ZNF236: variants seen among roughly 807,000 people sequenced by gnomAD.
ZNF236 encodes zinc finger protein 236.
ZNF236 carries 50 observed loss-of-function variants against 191.2 expected under a neutral mutation model. The observed-to-expected ratio is 0.26, with a 90% CI of 0.21 to 0.33. ZNF236 has a LOEUF of 0.33. ZNF236 is among the 10% of genes least tolerant of loss of function. The probability of loss-of-function intolerance (pLI) is 1.00; values close to 1 mark genes in which losing one functional copy is unlikely to be tolerated. For synonymous variants in ZNF236, 907 were observed against 928.8 expected, an observed-to-expected ratio of 0.98 and a Z score of 0.43; for missense variants, 1,754 against 2,374.5, an observed-to-expected ratio of 0.74 and a Z score of 5.43.
In ZNF236 at chr18:76,875,415, T is replaced by G; in HGVS notation, c.668-77T>G. ...GCTGGAGGGATAGGTTTGGGTAACT[T>G]CAGTGTTGTTCTTTTCAATCCGTAA... On this transcript the variant is annotated intron_variant, in intron 5 of 30. Coordinates refer to ENST00000320610, the MANE Select transcript of ZNF236 (RefSeq NM_001306089.2). The surrounding 1 kb of genome is among the most constrained non-coding windows in gnomAD (Gnocchi z 4.3). 1 of 1,367,568 alleles carries G rather than the reference T, an allele frequency of 7.3e-7. No homozygotes were observed. Among genetic ancestry groups the G allele is most frequent in the Non-Finnish European group, 9.6e-7 (1 of 1,039,444 alleles). 84.7% of individuals were successfully genotyped at this position (1,367,568 alleles called of 1,614,324 possible).
At position 76,927,453 on chromosome 18, in the gene ZNF236, C is replaced by T; in HGVS notation, c.4350C>T (p.Thr1450=). 3.1e-6 allele frequency: 5 copies of T among 1,614,216 alleles called. No homozygotes were observed. The highest frequency in any genetic ancestry group is 4.2e-6 in the Non-Finnish European group (5 of 1,180,042). The part of the protein sequence containing the change: ...ISGLSLQPTV[T]SANLTIGPLS... The stretch of plus-strand genomic sequence containing the variant: ...GCCTGTCCTTACAGCCCACAGTGAC[C>T]TCTGCGAACCTGACCATAGGCCCGC... The change falls in exon 24 of 31, where the codon ACC becomes ACT. Residue 1450 remains threonine (T), a synonymous_variant. Transcript: ENST00000320610. The surrounding 1 kb of genome is among the most constrained non-coding windows in gnomAD (Gnocchi z 5.4).
At chr18:76,892,847 G>A (rs1452495829) in intron 9 of ZNF236, among the ~76,000 whole-genome samples, 1 of 152,206 alleles carries the variant, frequency 6.6e-6, no homozygotes, top group Admixed American at 6.5e-5. Flanking sequence ...GATTACAGGC[G>A]TGAGCCACCG....
intron 25 of ZNF236, among the ~76,000 whole-genome samples, chr18:76,932,116 T>A (rs573571848): frequency 1.3e-5 from 2 of 152,322 alleles, no homozygotes; most frequent in East Asian, 3.9e-4. Flanking sequence ...AGACATTTTT[T>A]GAAGAATCCA....
intron 1 of ZNF236, among the ~76,000 whole-genome samples, chr18:76,828,631 A>G (rs1342272319): frequency 1.3e-5 from 2 of 152,172 alleles, no homozygotes; most frequent in Non-Finnish European, 2.9e-5. Context: ...TCCACTCTCC[A>G]TAATTGAACT....
At chr18:76,886,600 G>GC in intron 9 of ZNF236, 2 of 163,384 alleles carry the variant, frequency 1.2e-5, no homozygotes, top group South Asian at 1.6e-4. Flanking sequence ...CAGTGCTGTG[G>GC]TGTCGAAATA....
intron 4 of ZNF236, among the ~76,000 whole-genome samples, chr18:76,871,106 G>A (rs538775427): frequency 4.6e-5 from 7 of 152,170 alleles, no homozygotes; most frequent in Non-Finnish European, 7.3e-5. Flanking sequence ...TTTTGGAGAT[G>A]GACTAGAAAA....
chr18:76,963,362 G>A (rs560179474), intron 30 of ZNF236, among the ~76,000 whole-genome samples: 23 of 152,152 alleles, frequency 1.5e-4, no homozygotes, highest in African/African-American at 5.3e-4. Flanking sequence ...TTCTGTTTAT[G>A]TGGTGTATCA....
chr18:76,865,445 A>G (rs746781160), intron 3 of ZNF236, among the ~76,000 whole-genome samples: 2 of 152,264 alleles, frequency 1.3e-5, no homozygotes, highest in Admixed American at 6.5e-5. Flanking sequence ...AGTTCCTGGC[A>G]GGTAGAGAGT....
chr18:76,917,821 A>G (rs73488927), intron 19 of ZNF236, among the ~76,000 whole-genome samples: 156 of 152,122 alleles, frequency 1.0e-3, no homozygotes, highest in African/African-American at 3.5e-3. Flanking sequence ...AATCATTCCA[A>G]GCTTTATTGG....
At chr18:76,847,660 A>T (rs181473564) in intron 1 of ZNF236, among the ~76,000 whole-genome samples, 1 of 151,776 alleles carries the variant, frequency 6.6e-6, no homozygotes, top group Non-Finnish European at 1.5e-5. Flanking sequence ...TAGTAGAGAC[A>T]GGGTTTCACC....
chr18:76,826,298 ATTTTT>A (rs1975018086), intron 1 of ZNF236, among the ~76,000 whole-genome samples: 1 of 76,944 alleles, frequency 1.3e-5, no homozygotes, highest in Non-Finnish European at 2.8e-5. Flanking sequence ...TTTTTTTTGT[ATTTTT>A]AGTAGAGACG....
At chr18:76,955,114 T>C (rs752323780) in intron 27 of ZNF236, among the ~76,000 whole-genome samples, 1 of 152,160 alleles carries the variant, frequency 6.6e-6, no homozygotes, top group Non-Finnish European at 1.5e-5. Flanking sequence ...CTGTTGTTTA[T>C]AAAAGCTGAG....
intron 30 of ZNF236, among the ~76,000 whole-genome samples, chr18:76,965,611 G>A (rs1968751844): frequency 6.6e-6 from 1 of 152,176 alleles, no homozygotes. Flanking sequence ...CTTTTCCTAT[G>A]GCTGTGGCTC....
chr18:76,959,450 A>G (rs147134692), intron 28 of ZNF236, among the ~76,000 whole-genome samples: 162 of 152,318 alleles, frequency 1.1e-3, no homozygotes, highest in African/African-American at 3.5e-3. Context: ...TGGCCAAGCC[A>G]TATAGCTAGC....
chr18:76,841,889 G>A (rs996462535), intron 1 of ZNF236, among the ~76,000 whole-genome samples: 5 of 149,994 alleles, frequency 3.3e-5, no homozygotes, highest in African/African-American at 1.3e-4. Flanking sequence ...AGTGGAGACA[G>A]GGGTTTGCCA....
intron 20 of ZNF236, among the ~76,000 whole-genome samples, chr18:76,922,427 T>G (rs1967562899): frequency 6.6e-6 from 1 of 152,226 alleles, no homozygotes; most frequent in African/African-American, 2.4e-5. Flanking sequence ...TGAACAGCTT[T>G]GCATATGGTT....
At chr18:76,836,118 G>A (rs1975317710) in intron 1 of ZNF236, among the ~76,000 whole-genome samples, 1 of 152,116 alleles carries the variant, frequency 6.6e-6, no homozygotes, top group African/African-American at 2.4e-5. Flanking sequence ...ATGTTGGCCA[G>A]GCTGGTCTCG....
rs141242838 is a variant in ZNF236, at chr18:76,926,321, G to A, written c.4028-716G>A. ...GTGATGAGACAGTGTATGTGTATAT[G>A]GTATAAATGAGATTTCGCGGGTGAT... On this transcript the variant is annotated intron_variant, in intron 22 of 30. Transcript: ENST00000320610. Among the ~76,000 whole-genome samples, 734 of 152,140 alleles carry A rather than the reference G, an allele frequency of 4.8e-3. 3 individuals carry two copies. Among genetic ancestry groups the A allele is most frequent in the Non-Finnish European group, 7.9e-3 (536 of 67,998 alleles).
intron 1 of ZNF236, among the ~76,000 whole-genome samples, chr18:76,836,866 C>T (rs981798968): frequency 2.6e-5 from 4 of 151,764 alleles, no homozygotes; most frequent in African/African-American, 9.7e-5. Flanking sequence ...CGTGAGCCAC[C>T]GCGCCCGGCC....
Sources: gnomAD v4.1 joint callset for allele counts (sites outside exome capture counted in the v4.1 genomes callset) on GRCh38, gnomAD v4.1.1 for gene constraint, Gnocchi (gnomAD v3.1) non-coding constraint, MANE v1.5 for transcripts, NCBI Gene and HGNC (gene_info 2026-07-23, HGNC 2026-07-21) for gene names.